Variants in AEBP1 observed in about 807,000 individuals in gnomAD.
The protein encoded by AEBP1 is AE binding protein 1, also known as adipocyte enhancer-binding protein 1.
In AEBP1, 69 loss-of-function variants were observed where a neutral mutation model predicts 116.5. The ratio of observed to expected loss-of-function variants is 0.59; its 90% confidence interval spans 0.49 to 0.72. The LOEUF is 0.72. AEBP1 is among the 30% of genes least tolerant of loss of function. The pLI is 0.00. For synonymous variants in AEBP1, 627 were observed against 627.3 expected (o/e 1.00, Z 0.01); for missense variants, 1,444 against 1,557.5 (o/e 0.93, Z 1.23).
At chr7:44,109,621 T>C (rs1586048108) in intron 9 of AEBP1, 1 of 579,476 alleles carries the variant, frequency 1.7e-6, no homozygotes, top group East Asian at 2.9e-5. Flanking sequence ...TGGTGGGGAG[T>C]GAGGACCTCA....
chr7:44,114,026 C>G lies in AEBP1; in HGVS notation c.3242C>G (p.Ser1081Trp). The change falls in exon 21 of 21, where the codon TCG becomes TGG. Residue 1081 changes from serine (S) to tryptophan (W), a missense_variant. By Grantham distance (177) the Ser-to-Trp change is radical. Transcript: ENST00000223357. Reference sequence around the variant, plus strand: ...CCAACCACCGCTGGCTGGGAGGAGTCGGAGACTGAGACCTACACAGAGGTG... The same window carrying G: ...CCAACCACCGCTGGCTGGGAGGAGTGGGAGACTGAGACCTACACAGAGGTG... ...IPPTTAGWEE[S>W]ETETYTEVVT... 1.2e-6 allele frequency: 2 copies of G among 1,613,874 alleles called. No individual in the cohort carries two copies. The highest frequency in any genetic ancestry group is 1.1e-5 in the South Asian group (1 of 91,062).
At position 44,111,086 on chromosome 7, in the gene AEBP1, G is replaced by T. The variant is rs2096228859; in HGVS notation, c.1630+29G>T. ...AGTGTGGAGGGCTGGCAGGGGCTCT[G>T]AGTGGAGGTGGGGTGCTAGGGTGGG... On this transcript the variant is annotated intron_variant, in intron 13 of 20. Transcript: ENST00000223357. The surrounding 1 kb of genome is among the most constrained non-coding windows in gnomAD (Gnocchi z 4.7). 12 of 1,599,220 alleles carry T rather than the reference G, an allele frequency of 7.5e-6. No homozygotes were observed. The highest frequency in any genetic ancestry group is 9.4e-6 in the Non-Finnish European group (11 of 1,170,946).
chr7:44,111,768 C>T lies in AEBP1; in HGVS notation c.1841-86C>T. The T allele has an allele frequency of 6.5e-7, 1 of 1,533,974 alleles. No individual in the cohort carries two copies. Among genetic ancestry groups the T allele is most frequent in the Non-Finnish European group, 8.8e-7 (1 of 1,135,470 alleles). ...AGGAGCCCCAGCTGTCCCCCAGACC[C>T]TCGGGTATGAGGTGGGTCTGGGTCC... On this transcript the variant is annotated intron_variant, in intron 15 of 20. Transcript: ENST00000223357. The surrounding 1 kb of genome is among the most constrained non-coding windows in gnomAD (Gnocchi z 4.7).
rs764017513 is a variant in AEBP1 at position 44,110,969 on chromosome 7, G to A, written c.1542G>A (p.Pro514=). The A allele has an allele frequency of 2.0e-5, 32 of 1,613,916 alleles. No individual in the cohort carries two copies. Among genetic ancestry groups the A allele is most frequent in the Non-Finnish European group, 2.4e-5 (28 of 1,180,022 alleles). Residue 514 remains proline, a synonymous_variant, in exon 13 of 21, where the codon CCG becomes CCA. Coordinates refer to ENST00000223357, the MANE Select transcript of AEBP1 (RefSeq NM_001129.5). ...CCGTGCTGAGTGAGCTCCCAGAGCC[G>A]GTGGTGGCTCGTTTCATCCGCATCT... ...DTPVLSELPE[P]VVARFIRIYP...
Position 44,111,646 on chromosome 7 carries a change from G to A in AEBP1, c.1840+16G>A. 6.2e-7 allele frequency: 1 copy of A among 1,609,924 alleles called. No individual in the cohort carries two copies. The highest frequency in any genetic ancestry group is 8.5e-7 in the Non-Finnish European group (1 of 1,178,850). On this transcript the variant is annotated intron_variant, in intron 15 of 20. Transcript: ENST00000223357. This position sits in a 1 kb window ranked among gnomAD's most constrained non-coding sequence, Gnocchi z 4.7. Reference sequence around the variant, plus strand: ...CATGAACTGGGTGAGGGTCTGTGGGGGCCAGCAGCTGGCCTCTGCTGCTGA... The same window carrying A: ...CATGAACTGGGTGAGGGTCTGTGGGAGCCAGCAGCTGGCCTCTGCTGCTGA...
chr7:44,106,454 C>A, intron 1 of AEBP1, 92 bp from the exon 2 acceptor site: 2 of 1,316,094 alleles, frequency 1.5e-6, no homozygotes, highest in Non-Finnish European at 2.1e-6. Context: ...TGACAAGAGT[C>A]CCTGTGCCCA....
At chr7:44,109,559 G>A in intron 9 of AEBP1, 1 of 604,320 alleles carries the variant, frequency 1.7e-6, no homozygotes. Flanking sequence ...GAGGGTGGCA[G>A]CTCCCCAGGG....
At position 44,112,209 on chromosome 7, in the gene AEBP1, T is replaced by C. The variant is rs573450140; in HGVS notation, c.2105T>C (p.Phe702Ser). The change falls in exon 17 of 21, where the codon TTC becomes TCC. Residue 702 changes from phenylalanine to serine, a missense_variant. By Grantham distance (155) the Phe-to-Ser change is radical. Transcript: ENST00000223357. This position sits in a 1 kb window ranked among gnomAD's most constrained non-coding sequence, Gnocchi z 6.6. ...TEEGFDIFED[F>S]PDLNSVLWGA... ...GAGGGCTTTGACATCTTTGAAGATTTCCCGGATCTCAACTCTGTGCTCTGG... is the reference window on the plus strand; with the variant it reads ...GAGGGCTTTGACATCTTTGAAGATTCCCCGGATCTCAACTCTGTGCTCTGG... 2 of 1,609,498 alleles carry C rather than the reference T, an allele frequency of 1.2e-6. No individual in the cohort carries two copies. The highest frequency in any genetic ancestry group is 2.7e-5 in the African/African-American group (2 of 74,968).
In AEBP1 at chr7:44,112,646, T is replaced by C. The variant is rs778576728; in HGVS notation, c.2306T>C (p.Val769Ala). The C allele has an allele frequency of 4.3e-6, 7 of 1,612,864 alleles. No individual in the cohort carries two copies. The African/African-American group carries it at 9.3e-5, about 22-fold the overall frequency. Residue 769 changes from valine to alanine, a missense_variant, in exon 18 of 21, where the codon GTA becomes GCA. Val to Ala is a moderately conservative substitution (Grantham distance 64). Transcript: ENST00000223357. The surrounding 1 kb of genome is among the most constrained non-coding windows in gnomAD (Gnocchi z 6.6). Reference sequence around the variant, plus strand: ...AATCTGAACGGCGGCGAGCGGCTAGTATCCTACCCCTACGATATGGCCCGC... The same window carrying C: ...AATCTGAACGGCGGCGAGCGGCTAGCATCCTACCCCTACGATATGGCCCGC... ...GANLNGGERL[V>A]SYPYDMARTP...
rs111785889 is a variant in AEBP1, at chr7:44,107,981, C to G, written c.863-26C>G. On this transcript the variant is annotated intron_variant, in intron 5 of 20. Transcript: ENST00000223357. The surrounding 1 kb of genome is among the most constrained non-coding windows in gnomAD (Gnocchi z 4.3). ...GTGCCATGGCCACGGCGCTCTGGCC[C>G]CCTCCTAACCTCCCCGCCTCCCCAG... 1 of 1,572,352 alleles carries G rather than the reference C, an allele frequency of 6.4e-7. No individual in the cohort carries two copies. The highest frequency in any genetic ancestry group is 1.4e-5 in the African/African-American group (1 of 73,844).
chr7:44,109,731 CGT>C (rs2096226863), intron 9 of AEBP1: 1 of 569,762 alleles, frequency 1.8e-6, no homozygotes, highest in African/African-American at 1.9e-5. Context: ...TGTGATTTCA[CGT>C]GTGTCCCCTG....
Position 44,110,026 on chromosome 7 carries a change from A to G in AEBP1, c.1162A>G (p.Ile388Val). The change falls in exon 10 of 21, where the codon ATT becomes GTT. Residue 388 changes from isoleucine (I) to valine (V), a missense_variant. Coordinates refer to ENST00000223357, the MANE Select transcript of AEBP1 (RefSeq NM_001129.5). ...GTACGCGTCCTCAGAGTGTCCCCCC[A>G]TTGGGATGGAGTCACACCGTATTGA... Reference protein sequence around the residue: ...TPTEKVKCPPIGMESHRIEDN... With the variant: ...TPTEKVKCPPVGMESHRIEDN... The G allele has an allele frequency of 6.2e-7, 1 of 1,612,850 alleles. No homozygotes were observed. Among genetic ancestry groups the G allele is most frequent in the Non-Finnish European group, 8.5e-7 (1 of 1,179,936 alleles).
rs1325119784 is a variant in AEBP1, at chr7:44,108,917, C to T, written c.959C>T (p.Pro320Leu). The change falls in exon 7 of 21, where the codon CCT becomes CTT. Residue 320 changes from proline to leucine, a missense_variant. Coordinates refer to ENST00000223357, the MANE Select transcript of AEBP1 (RefSeq NM_001129.5). The surrounding 1 kb of genome is among the most constrained non-coding windows in gnomAD (Gnocchi z 5.0). ...CCCATAGTGGACTATTACTTTGGGC[C>T]TCCTCCGCCCCAGAAGCCCGATGCT... is the stretch of plus-strand genomic sequence containing the variant. ...NYDDMDYYFG[P>L]PPPQKPDAER... The T allele has an allele frequency of 6.3e-7, 1 of 1,589,544 alleles. No homozygotes were observed.
At chr7:44,106,364 C>A in intron 1 of AEBP1, 182 bp from the exon 2 acceptor site, 1 of 747,836 alleles carries the variant, frequency 1.3e-6, no homozygotes, top group Non-Finnish European at 2.3e-6. Context: ...GACTTGCAGA[C>A]AGAAAATCTG....
chr7:44,114,181 A>T lies in AEBP1; in HGVS notation c.3397A>T (p.Lys1133Ter), dbSNP rs13928. 3 of 1,607,746 alleles carry T rather than the reference A, an allele frequency of 1.9e-6. No individual in the cohort carries two copies. In the Admixed American group the frequency reaches 5.0e-5, roughly 27 times the overall value. Residue 1133 changes from lysine (K) to a stop codon, truncating the protein, a stop_gained, in exon 21 of 21, where the codon AAA becomes TAA. Coordinates refer to ENST00000223357, the MANE Select transcript of AEBP1 (RefSeq NM_001129.5). LOFTEE classifies it low-confidence loss of function (END_TRUNC). ...PEFEEEEEEE[K>*]EEEIATGQAF... ...GTTTGAGGAAGAGGAGGAGGAGGAG[A>T]AAGAGGAGGAGATAGCCACTGGCCA... is the stretch of plus-strand genomic sequence containing the variant.
chr7:44,105,274 C>T (rs1259907339), intron 1 of AEBP1, among the ~76,000 whole-genome samples: 1 of 152,234 alleles, frequency 6.6e-6, no homozygotes, highest in East Asian at 1.9e-4. Flanking sequence ...GGACCACTCT[C>T]CCTGTTGGTG....
chr7:44,111,753 G>A lies in AEBP1; in HGVS notation c.1841-101G>A. 1 of 1,534,308 alleles carries A rather than the reference G, an allele frequency of 6.5e-7. No individual in the cohort carries two copies. Among genetic ancestry groups the A allele is most frequent in the Non-Finnish European group, 8.8e-7 (1 of 1,136,350 alleles). On this transcript the variant is annotated intron_variant, in intron 15 of 20. Transcript: ENST00000223357. This position sits in a 1 kb window ranked among gnomAD's most constrained non-coding sequence, Gnocchi z 4.7. ...GTCTTACAGGGCCCTAGGAGCCCCA[G>A]CTGTCCCCCAGACCCTCGGGTATGA...
chr7:44,110,933 C>A lies in AEBP1; in HGVS notation c.1506C>A (p.Asp502Glu). Residue 502 changes from aspartate (D) to glutamate (E), a missense_variant, in exon 13 of 21, where the codon GAC (aspartate) becomes GAA (glutamate). Transcript: ENST00000223357. ...YEEMTFHGNVDKDTPVLSELP... is the reference protein window; with the variant it reads ...YEEMTFHGNVEKDTPVLSELP... ...CCCAGACCTTTCATGGGAACGTGGACAAGGACACACCCGTGCTGAGTGAGC... is the reference window on the plus strand; with the variant it reads ...CCCAGACCTTTCATGGGAACGTGGAAAAGGACACACCCGTGCTGAGTGAGC... 6.2e-7 allele frequency: 1 copy of A among 1,614,012 alleles called. No individual in the cohort carries two copies. The highest frequency in any genetic ancestry group is 1.1e-5 in the South Asian group (1 of 91,088).
Position 44,113,434 on chromosome 7 carries a change from A to C in AEBP1, c.2809+83A>C, listed in dbSNP as rs980695053. ...TGGGGGCTTGAGGAACTCAGCGAGC[A>C]GGTAGAGTCTGGGGAGCCTGGGGGC... is the stretch of plus-strand genomic sequence containing the variant. On this transcript the variant is annotated intron_variant, in intron 20 of 20. Transcript: ENST00000223357. The surrounding 1 kb of genome is among the most constrained non-coding windows in gnomAD (Gnocchi z 5.3). 39 of 1,469,762 alleles carry C rather than the reference A, an allele frequency of 2.7e-5. 1 individual carries two copies. The Admixed American group carries it at 5.7e-4, about 22-fold the overall frequency. 91.0% of individuals were successfully genotyped at this position (1,469,762 alleles called of 1,614,324 possible).
Sources: allele counts gnomAD v4.1 joint callset (sites outside exome capture counted in the v4.1 genomes callset), GRCh38; gene constraint gnomAD v4.1.1; non-coding constraint Gnocchi (gnomAD v3.1); transcripts MANE v1.5; gene names NCBI Gene and HGNC (gene_info 2026-07-23, HGNC 2026-07-21).